The following UBE2W variants were observed in gnomAD, a reference collection of about 807,000 sequenced individuals.
The protein encoded by UBE2W is ubiquitin-conjugating enzyme E2 W.
In UBE2W, 18 loss-of-function variants were observed where a neutral mutation model predicts 27.2. That is an observed-to-expected ratio of 0.66 (90% CI 0.46 to 0.98). UBE2W has a LOEUF of 0.98. Ranked by LOEUF, UBE2W falls within the 50% of genes least tolerant of loss-of-function variation. The pLI is 0.00. For synonymous variants in UBE2W, 53 were observed against 57.2 expected (o/e 0.93, Z 0.33); for missense variants, 90 against 180.2 (o/e 0.50, Z 2.87).
intron 1 of UBE2W, among the ~76,000 whole-genome samples, chr8:73,837,281 G>A (rs900725632): frequency 6.6e-6 from 1 of 152,228 alleles, no homozygotes; most frequent in African/African-American, 2.4e-5. Context: ...GGGAGGCCGA[G>A]GCAGGTGCAT....
chr8:73,863,584 A>AG (rs1811618234), intron 1 of UBE2W, among the ~76,000 whole-genome samples: 1 of 114,254 alleles, frequency 8.8e-6, no homozygotes, highest in African/African-American at 2.8e-5. Flanking sequence ...ATAATAAAAA[A>AG]AAAAAAGAAA....
chr8:73,788,293 A>C lies in UBE2W; in HGVS notation c.*5809T>G. On this transcript the variant is annotated 3_prime_UTR_variant, in exon 6 of 6. Transcript: ENST00000602593. ...AAAGTAGTGACTTTACATATTTTGCAACTTGAGTTTATAAAATATATACAT... is the reference window on the plus strand; with the variant it reads ...AAAGTAGTGACTTTACATATTTTGCCACTTGAGTTTATAAAATATATACAT... 1 of 983,166 alleles carries C rather than the reference A, an allele frequency of 1.0e-6. No homozygotes were observed. The highest frequency in any genetic ancestry group is 1.2e-6 in the Non-Finnish European group (1 of 827,860). 60.9% of individuals were successfully genotyped at this position (983,166 alleles called of 1,614,324 possible).
rs71269951 is a variant in UBE2W at position 73,849,512 on chromosome 8, C to CAAAAAAA, written c.16-19047_16-19041dup. On this transcript the variant is annotated intron_variant, in intron 1 of 5. Coordinates refer to ENST00000602593, the MANE Select transcript of UBE2W (RefSeq NM_018299.6). Reference sequence around the variant, plus strand: ...GGGCAACAAGAGTGAAACTCCATCTCAAAAAAAAAAAAAAAAAAAAAAAAA... The same window carrying CAAAAAAA: ...GGGCAACAAGAGTGAAACTCCATCTCAAAAAAAAAAAAAAAAAAAAAAAAAAAAAAAA... 4.4e-4 allele frequency among the ~76,000 whole-genome samples: 10 copies of CAAAAAAA among 22,774 alleles called. 2 individuals are homozygous for CAAAAAAA. The highest frequency in any genetic ancestry group is 1.9e-3 in the Admixed American group (2 of 1,050). 14.9% of individuals were successfully genotyped at this position (22,774 alleles called of 152,430 possible).
intron 1 of UBE2W, among the ~76,000 whole-genome samples, chr8:73,841,055 T>G (rs532044005): frequency 6.6e-6 from 1 of 152,280 alleles, no homozygotes; most frequent in Non-Finnish European, 1.5e-5. Context: ...CTAATACAAC[T>G]GTATATAAAA....
At chr8:73,873,945 G>C (rs936192772) in intron 1 of UBE2W, among the ~76,000 whole-genome samples, 1 of 152,088 alleles carries the variant, frequency 6.6e-6, no homozygotes, top group Admixed American at 6.6e-5. Context: ...AAGACACAAC[G>C]TAACAGGAGG....
intron 1 of UBE2W, among the ~76,000 whole-genome samples, chr8:73,878,572 C>G (rs1015887380): frequency 1.3e-5 from 2 of 152,202 alleles, no homozygotes; most frequent in African/African-American, 4.8e-5. Flanking sequence ...CCTCCTTTAT[C>G]ACCCAACTTC....
intron 5 of UBE2W, among the ~76,000 whole-genome samples, chr8:73,805,108 T>C (rs1808819256): frequency 6.6e-6 from 1 of 152,076 alleles, no homozygotes; most frequent in Non-Finnish European, 1.5e-5. Context: ...AATGTCAAAG[T>C]AATTTTACAT....
chr8:73,867,825 T>C (rs973147987), intron 1 of UBE2W, among the ~76,000 whole-genome samples: 3 of 151,622 alleles, frequency 2.0e-5, no homozygotes, highest in Non-Finnish European at 2.9e-5. Context: ...ATTAGTGAAA[T>C]GCAAACCAAA....
In UBE2W at chr8:73,842,528, C is replaced by CAAA. The variant is rs759063478; in HGVS notation, c.16-12059_16-12057dup. The stretch of plus-strand genomic sequence containing the variant: ...TGGGCGACAGAGGGAGACTCCGTCT[C>CAAA]AAAAAAAAAAAAAAAAAAAAAAAAA... On this transcript the variant is annotated intron_variant, in intron 1 of 5. Transcript: ENST00000602593. Among the ~76,000 whole-genome samples, 69 of 9,674 alleles carry CAAA rather than the reference C, an allele frequency of 7.1e-3. 18 individuals are homozygous for CAAA. The highest frequency in any genetic ancestry group is 8.5e-3 in the East Asian group (2 of 236). The allele number at this position is 9,674 out of a possible 152,430, so 6.3% of individuals were successfully genotyped here. A position where few individuals can be genotyped will look rare whatever the true frequency, so the allele number is the denominator to read the frequency against.
Position 73,792,913 on chromosome 8 carries a change from G to A in UBE2W, c.*1189C>T. The A allele has an allele frequency of 2.0e-6, 2 of 985,570 alleles. No individual in the cohort carries two copies. Among genetic ancestry groups the A allele is most frequent in the Non-Finnish European group, 2.4e-6 (2 of 829,824 alleles). 61.1% of individuals were successfully genotyped at this position (985,570 alleles called of 1,614,324 possible). A position where few individuals can be genotyped will look rare whatever the true frequency, so the allele number is the denominator to read the frequency against. ...GACAAATAAGCAACCATTTGATAGT[G>A]ACTTTTGCCTAAATTTTAAAATAAA... On this transcript the variant is annotated 3_prime_UTR_variant, in exon 6 of 6. Coordinates refer to ENST00000602593, the MANE Select transcript of UBE2W (RefSeq NM_018299.6).
chr8:73,868,809 G>A (rs1811883196), intron 1 of UBE2W, among the ~76,000 whole-genome samples: 1 of 152,028 alleles, frequency 6.6e-6, no homozygotes, highest in Admixed American at 6.6e-5. Flanking sequence ...GACTTAGAAA[G>A]TTAAAACACA....
chr8:73,868,500 C>T (rs2130988704), intron 1 of UBE2W, among the ~76,000 whole-genome samples: 1 of 152,220 alleles, frequency 6.6e-6, no homozygotes, highest in East Asian at 1.9e-4. Flanking sequence ...GCTGATCTAG[C>T]AAATTAATGA....
At position 73,872,836 on chromosome 8, in the gene UBE2W, T is replaced by G. The variant is rs987372024; in HGVS notation, c.15+5972A>C. ...TAAAAAGAAGTTCTCATGTGTATAC[T>G]TGTGTACTGAGTAAAATTATAATTG... On this transcript the variant is annotated intron_variant, in intron 1 of 5. Coordinates refer to ENST00000602593, the MANE Select transcript of UBE2W (RefSeq NM_018299.6). Among the ~76,000 whole-genome samples, 3 of 152,194 alleles carry G rather than the reference T, an allele frequency of 2.0e-5. No individual in the cohort carries two copies. In the East Asian group the frequency reaches 5.8e-4, roughly 29 times the overall value.
chr8:73,862,420 T>G (rs1220979281), intron 1 of UBE2W, among the ~76,000 whole-genome samples: 1 of 152,192 alleles, frequency 6.6e-6, no homozygotes, highest in Non-Finnish European at 1.5e-5. Context: ...GGGAATCCTT[T>G]CCCCATTTCT....
At chr8:73,813,362 G>A (rs1008245110) in intron 3 of UBE2W, among the ~76,000 whole-genome samples, 8 of 152,186 alleles carry the variant, frequency 5.3e-5, no homozygotes, top group Non-Finnish European at 1.0e-4. Flanking sequence ...ACCTACAGCA[G>A]ATGCAGCAGA....
At chr8:73,831,266 T>C (rs959722462) in intron 1 of UBE2W, 12 of 271,818 alleles carry the variant, frequency 4.4e-5, no homozygotes, top group African/African-American at 1.8e-4. Flanking sequence ...AGATATTCAA[T>C]GAAGAAAATA....
intron 4 of UBE2W, among the ~76,000 whole-genome samples, chr8:73,807,466 A>ATTG (rs1808959838): frequency 1.3e-5 from 2 of 152,354 alleles, no homozygotes; most frequent in Admixed American, 1.3e-4. Flanking sequence ...GTTGAGCCTC[A>ATTG]CAATGCTCTT....
rs1292973042 is a variant in UBE2W at position 73,791,892 on chromosome 8, G to C, written c.*2210C>G. ...AGAGAGAGAGGTATGTTAAAATATT[G>C]TCATAAAAAACTCAATTGAGGCTAT... is the stretch of plus-strand genomic sequence containing the variant. On this transcript the variant is annotated 3_prime_UTR_variant, in exon 6 of 6. Coordinates refer to ENST00000602593, the MANE Select transcript of UBE2W (RefSeq NM_018299.6). 1 of 984,460 alleles carries C rather than the reference G, an allele frequency of 1.0e-6. No individual in the cohort carries two copies. The highest frequency in any genetic ancestry group is 1.2e-6 in the Non-Finnish European group (1 of 829,330). The allele number at this position is 984,460 out of a possible 1,614,324, so 61.0% of individuals were successfully genotyped here.
At chr8:73,843,354 C>T (rs185206717) in intron 1 of UBE2W, among the ~76,000 whole-genome samples, 2 of 152,196 alleles carry the variant, frequency 1.3e-5, no homozygotes, top group East Asian at 1.9e-4. Flanking sequence ...ATTTTTTCAC[C>T]GAGCACAATG....
Sources: allele counts gnomAD v4.1 joint callset (sites outside exome capture counted in the v4.1 genomes callset), GRCh38; gene constraint gnomAD v4.1.1; transcripts MANE v1.5; gene names NCBI Gene and HGNC (gene_info 2026-07-23, HGNC 2026-07-21).